The following CELSR1 variants were observed in gnomAD, a reference collection of about 807,000 sequenced individuals.
CELSR1 encodes cadherin EGF LAG seven-pass G-type receptor 1.
CELSR1 carries 110 observed loss-of-function variants against 249.1 expected under a neutral mutation model. That is an observed-to-expected ratio of 0.44 (90% confidence interval 0.38 to 0.52). The LOEUF is 0.52. CELSR1 is among the 20% of genes least tolerant of loss of function. CELSR1 has a pLI of 0.00. For synonymous variants in CELSR1, 2,113 were observed against 1,900.0 expected (o/e 1.11, Z -2.92); for missense variants, 4,109 against 4,296.4 (o/e 0.96, Z 1.22).
rs2080870222 is a variant in CELSR1, at chr22:46,537,346, C to T, written c.-176G>A. On this transcript the variant is annotated 5_prime_UTR_variant, in exon 1 of 35. Coordinates refer to ENST00000674500, the MANE Select transcript of CELSR1 (RefSeq NM_001378328.1). This position sits in a 1 kb window ranked among gnomAD's most constrained non-coding sequence, Gnocchi z 5.8. ...ACTGTGGGGACCACGCGCCCGGCCT[C>T]CCCCGCAGCTTCCACTTCGAGAGCA... Among the ~76,000 whole-genome samples, 1 of 148,834 alleles carries T rather than the reference C, an allele frequency of 6.7e-6. No individual in the cohort carries two copies. The highest frequency in any genetic ancestry group is 2.0e-4 in the East Asian group (1 of 5,120).
chr22:46,463,555 C>A (rs904222555), intron 2 of CELSR1, 152 bp downstream of exon 2: 2 of 643,210 alleles, frequency 3.1e-6, no homozygotes, highest in African/African-American at 1.9e-5. Flanking sequence ...TTACTGAGAT[C>A]ATCTCAAGGT....
intron 9 of CELSR1, among the ~76,000 whole-genome samples, chr22:46,404,368 C>T (rs1484300477): frequency 1.3e-5 from 2 of 151,696 alleles, no homozygotes; most frequent in South Asian, 2.1e-4. Context: ...GCAGAGTTCA[C>T]GCCACTGCAC....
At chr22:46,531,880 G>A (rs1472983868) in intron 1 of CELSR1, among the ~76,000 whole-genome samples, 1 of 152,212 alleles carries the variant, frequency 6.6e-6, no homozygotes, top group Admixed American at 6.5e-5. Flanking sequence ...GTGGATGCAT[G>A]AGGACACAGC....
rs1326928228 is a variant in CELSR1, at chr22:46,500,815, A to T, written c.3544+32812T>A. Among the ~76,000 whole-genome samples the T allele has an allele frequency of 6.6e-6, 1 of 152,114 alleles. No individual in the cohort carries two copies. The highest frequency in any genetic ancestry group is 2.4e-5 in the African/African-American group (1 of 41,432). On this transcript the variant is annotated intron_variant, in intron 1 of 34. Transcript: ENST00000674500. The surrounding 1 kb of genome is among the most constrained non-coding windows in gnomAD (Gnocchi z 4.9). ...GAGGCCAGCAGCAGGTCAGGCCACT[A>T]CATTGCGTCTCTCAGGCTCAGAACA... is the stretch of plus-strand genomic sequence containing the variant.
chr22:46,537,210 T>A lies in CELSR1; in HGVS notation c.-40A>T, dbSNP rs1428991923. 2.0e-6 allele frequency: 2 copies of A among 1,013,060 alleles called. No individual in the cohort carries two copies. Among genetic ancestry groups the A allele is most frequent in the East Asian group, 1.0e-4 (1 of 9,996 alleles). The allele number at this position is 1,013,060 out of a possible 1,614,324, so 62.8% of individuals were successfully genotyped here. On this transcript the variant is annotated 5_prime_UTR_variant, in exon 1 of 35. Transcript: ENST00000674500. The surrounding 1 kb of genome is among the most constrained non-coding windows in gnomAD (Gnocchi z 5.8). ...GCCCGAGCCGGGCGCCCGAACACAA[T>A]CCATGCACCCGGCGCGCCTCCGCAT...
In CELSR1 at chr22:46,437,851, A is replaced by C. The variant is rs2079682849; in HGVS notation, c.4406+1338T>G. ...ACGACAAACACAAAGAAGAATACCC[A>C]CACAGCACACTGATGCTTGGGCAGG... On this transcript the variant is annotated intron_variant, in intron 3 of 34. Transcript: ENST00000674500. This position sits in a 1 kb window ranked among gnomAD's most constrained non-coding sequence, Gnocchi z 4.9. 1.3e-5 allele frequency among the ~76,000 whole-genome samples: 2 copies of C among 152,162 alleles called. No homozygotes were observed. The highest frequency in any genetic ancestry group is 2.9e-5 in the Non-Finnish European group (2 of 68,040).
intron 1 of CELSR1, among the ~76,000 whole-genome samples, chr22:46,486,764 AC>A (rs1236041098): frequency 7.2e-6 from 1 of 139,784 alleles, no homozygotes; most frequent in African/African-American, 2.7e-5. Context: ...AATCGCTTGA[AC>A]CCGGGAGGTG....
At chr22:46,377,708 G>C (rs1284378634) in intron 23 of CELSR1, 1 of 196,394 alleles carries the variant, frequency 5.1e-6, no homozygotes, top group Non-Finnish European at 1.1e-5. Context: ...CTCCAGGCTG[G>C]GTCCTGCTGG....
At position 46,471,937 on chromosome 22, in the gene CELSR1, C is replaced by T. The variant is rs549353504; in HGVS notation, c.3545-7592G>A. Among the ~76,000 whole-genome samples the T allele has an allele frequency of 1.5e-4, 23 of 152,130 alleles. No homozygotes were observed. The highest frequency in any genetic ancestry group is 2.6e-4 in the Non-Finnish European group (18 of 68,042). ...CGACTTTCTGCCTCACGCTGTCCCCCGTGGTTTCATTTCTGTGTGTGAGTA... is the reference window on the plus strand; with the variant it reads ...CGACTTTCTGCCTCACGCTGTCCCCTGTGGTTTCATTTCTGTGTGTGAGTA... On this transcript the variant is annotated intron_variant, in intron 1 of 34. Coordinates refer to ENST00000674500, the MANE Select transcript of CELSR1 (RefSeq NM_001378328.1). This position sits in a 1 kb window ranked among gnomAD's most constrained non-coding sequence, Gnocchi z 4.9.
Position 46,398,582 on chromosome 22 carries a change from A to C in CELSR1, c.5468T>G (p.Val1823Gly). 6.2e-7 allele frequency: 1 copy of C among 1,613,454 alleles called. No homozygotes were observed. The highest frequency in any genetic ancestry group is 8.5e-7 in the Non-Finnish European group (1 of 1,179,826). Residue 1823 changes from valine (V) to glycine (G), a missense_variant, in exon 11 of 35, where the codon GTC becomes GGC. Val to Gly is a moderately radical substitution (Grantham distance 109). This residue lies in a region of CELSR1 where 1,805 missense variants were observed against 1,831.6 expected (regional missense o/e 0.99). Transcript: ENST00000674500. The surrounding 1 kb of genome is among the most constrained non-coding windows in gnomAD (Gnocchi z 7.2). ...GACCTTGTCTTCAGAGGCGCCTCCGACCACCACGCTCCTTACCGTCAGCCC... is the reference window on the plus strand; with the variant it reads ...GACCTTGTCTTCAGAGGCGCCTCCGCCCACCACGCTCCTTACCGTCAGCCC... ...LPGLTVRSVV[V>G]GGASEDKVSV...
intron 25 of CELSR1, among the ~76,000 whole-genome samples, chr22:46,372,556 C>G (rs150784005): frequency 4.6e-5 from 7 of 151,442 alleles, no homozygotes; most frequent in Non-Finnish European, 7.4e-5. Flanking sequence ...ATCCATCCAC[C>G]TGCACACTCA....
intron 5 of CELSR1, among the ~76,000 whole-genome samples, chr22:46,421,253 G>C (rs917174144): frequency 6.6e-6 from 1 of 152,114 alleles, no homozygotes; most frequent in South Asian, 2.1e-4. Context: ...AGGGGAGGGA[G>C]GCAGCCGTGG....
intron 1 of CELSR1, among the ~76,000 whole-genome samples, chr22:46,514,894 C>T (rs1271167413): frequency 6.6e-6 from 1 of 152,194 alleles, no homozygotes; most frequent in Non-Finnish European, 1.5e-5. Context: ...GCCCTCAGGC[C>T]TGGGGGATGA....
intron 5 of CELSR1, among the ~76,000 whole-genome samples, chr22:46,418,430 G>A (rs1259782385): frequency 6.6e-6 from 1 of 152,064 alleles, no homozygotes; most frequent in African/African-American, 2.4e-5. Flanking sequence ...GGTTGCAGTG[G>A]GCCGAGATTG....
intron 9 of CELSR1, among the ~76,000 whole-genome samples, chr22:46,403,186 T>C (rs1440370195): frequency 1.3e-5 from 2 of 152,212 alleles, no homozygotes; most frequent in Middle Eastern, 6.8e-3. Context: ...AATAGATAAA[T>C]CTACAGTCAA....
Position 46,364,212 on chromosome 22 carries a change from G to T in CELSR1, c.8819C>A (p.Thr2940Lys). 6.2e-7 allele frequency: 1 copy of T among 1,611,392 alleles called. No homozygotes were observed. Among genetic ancestry groups the T allele is most frequent in the Non-Finnish European group, 8.5e-7 (1 of 1,179,758 alleles). The change falls in exon 34 of 35, where the codon ACG becomes AAG. Residue 2940 changes from threonine (T) to lysine (K), a missense_variant. This residue lies in a region of CELSR1 where 1,805 missense variants were observed against 1,831.6 expected (regional missense o/e 0.99). Transcript: ENST00000674500. ...KNKVTYPPPL[T>K]LTEQTLKGRL... ...GCCCTTCAGCGTCTGCTCCGTCAGC[G>T]TCAGCGGCGGCGGGTAGGTGACTTT... is the stretch of plus-strand genomic sequence containing the variant.
chr22:46,419,690 A>G (rs2079442745), intron 5 of CELSR1, among the ~76,000 whole-genome samples: 1 of 152,160 alleles, frequency 6.6e-6, no homozygotes, highest in Admixed American at 6.5e-5. Flanking sequence ...AGCTTACCAA[A>G]AATGTGTACA....
chr22:46,532,221 C>T (rs2080798948), intron 1 of CELSR1, among the ~76,000 whole-genome samples: 1 of 152,176 alleles, frequency 6.6e-6, no homozygotes, highest in African/African-American at 2.4e-5. Context: ...TTAAATAGGC[C>T]AAATTTCCCA....
intron 1 of CELSR1, among the ~76,000 whole-genome samples, chr22:46,519,225 C>T (rs997119082): frequency 2.0e-5 from 3 of 152,320 alleles, no homozygotes; most frequent in Non-Finnish European, 4.4e-5. Context: ...GGGTGTTGCA[C>T]ACCACTGTGA....
Sources: allele counts gnomAD v4.1 joint callset (sites outside exome capture counted in the v4.1 genomes callset), GRCh38; gene constraint gnomAD v4.1.1; regional missense constraint gnomAD v4.1.1; non-coding constraint Gnocchi (gnomAD v3.1); transcripts MANE v1.5; gene names NCBI Gene and HGNC (gene_info 2026-07-23, HGNC 2026-07-21).